Variants in SLC24A2 observed in about 807,000 individuals in gnomAD.
SLC24A2 encodes sodium/potassium/calcium exchanger 2.
Under a neutral mutation model 62.0 loss-of-function variants are expected in SLC24A2, and 36 were observed. The ratio of observed to expected loss-of-function variants is 0.58; its 90% CI spans 0.44 to 0.77. The LOEUF (loss-of-function observed/expected upper bound fraction) is 0.77. SLC24A2 is among the 30% of genes least tolerant of loss of function. The pLI is 0.00. For synonymous variants in SLC24A2, 358 were observed against 294.0 expected (o/e 1.22, Z -2.23); for missense variants, 846 against 817.9 (o/e 1.03, Z -0.42).
the SLC24A2 span, among the ~76,000 whole-genome samples, chr9:20,218,791 C>T: frequency 8.5e-5 from 13 of 152,130 alleles, no homozygotes; most frequent in Non-Finnish European, 2.9e-5. Context: ...ACATGTATTT[C>T]TTATCTCAGT....
At chr9:19,982,712 G>A in the SLC24A2 span, among the ~76,000 whole-genome samples, 1 of 152,088 alleles carries the variant, frequency 6.6e-6, no homozygotes, top group Admixed American at 6.6e-5. Flanking sequence ...AATACCAAAA[G>A]CCAGACAAAG....
chr9:20,072,682 A>G, the SLC24A2 span, among the ~76,000 whole-genome samples: 1 of 152,058 alleles, frequency 6.6e-6, no homozygotes, highest in African/African-American at 2.4e-5. Context: ...AGAGAGATGC[A>G]GGAGGAGTCA....
At chr9:19,564,257 A>G (rs1328400652) in intron 7 of SLC24A2, among the ~76,000 whole-genome samples, 1 of 152,140 alleles carries the variant, frequency 6.6e-6, no homozygotes, top group Non-Finnish European at 1.5e-5. Context: ...AAAAAACCAC[A>G]CTCACTTCCA....
chr9:19,724,395 G>A (rs531452502), intron 2 of SLC24A2, among the ~76,000 whole-genome samples: 15 of 152,282 alleles, frequency 9.9e-5, no homozygotes, highest in Non-Finnish European at 7.3e-5. Context: ...TTTGAGAAAG[G>A]TGATGCCTTC....
chr9:19,838,288 T>C, the SLC24A2 span, among the ~76,000 whole-genome samples: 366 of 152,230 alleles, frequency 2.4e-3, no homozygotes, highest in Non-Finnish European at 3.6e-3. Context: ...ATCTGATCTT[T>C]GACAAACCTG....
the SLC24A2 span, among the ~76,000 whole-genome samples, chr9:20,216,970 C>G: frequency 2.9e-3 from 437 of 152,184 alleles, 3 homozygotes; most frequent in African/African-American, 0.01. Flanking sequence ...TCCCAAAAGA[C>G]TCTTAAAAGC....
the SLC24A2 span, among the ~76,000 whole-genome samples, chr9:19,977,113 T>TTGTGTGTGTGTGTGTGTGTG: frequency 2.1e-5 from 3 of 145,332 alleles, 1 homozygote; most frequent in African/African-American, 7.6e-5. Context: ...ATTTCTATAT[T>TTGTGTGTGTGTGTGTGTGTG]TGTGTGTGTG....
chr9:20,102,034 C>G, the SLC24A2 span, among the ~76,000 whole-genome samples: 1 of 152,204 alleles, frequency 6.6e-6, no homozygotes, highest in Non-Finnish European at 1.5e-5. Flanking sequence ...TGTGCAAGCT[C>G]TTGTGTTTAC....
chr9:19,778,177 C>G (rs961587044), intron 2 of SLC24A2, among the ~76,000 whole-genome samples: 1 of 152,106 alleles, frequency 6.6e-6, no homozygotes, highest in African/African-American at 2.4e-5. Context: ...ATATATTACT[C>G]CCTAAAATGT....
At chr9:19,714,941 T>C (rs1345341626) in intron 2 of SLC24A2, among the ~76,000 whole-genome samples, 2 of 151,966 alleles carry the variant, frequency 1.3e-5, no homozygotes, top group African/African-American at 4.8e-5. Flanking sequence ...AGGAAGCAAA[T>C]GGAGAGATGT....
At chr9:20,228,865 C>T in the SLC24A2 span, among the ~76,000 whole-genome samples, 1 of 152,084 alleles carries the variant, frequency 6.6e-6, no homozygotes, top group Admixed American at 6.6e-5. Flanking sequence ...AGAAGGGGCA[C>T]AGACACTGGT....
the SLC24A2 span, among the ~76,000 whole-genome samples, chr9:19,838,432 A>T: frequency 1.3e-5 from 2 of 150,588 alleles, no homozygotes; most frequent in South Asian, 4.2e-4. Flanking sequence ...GATGGATTAA[A>T]GACTTAAATG....
the SLC24A2 span, among the ~76,000 whole-genome samples, chr9:20,107,864 G>C: frequency 1.3e-5 from 2 of 152,120 alleles, no homozygotes; most frequent in Non-Finnish European, 2.9e-5. Context: ...TTAACCTAAA[G>C]AGCTTCAGCA....
chr9:19,563,343 TATTTTTA>T (rs1229967293), intron 7 of SLC24A2, among the ~76,000 whole-genome samples: 1 of 152,140 alleles, frequency 6.6e-6, no homozygotes. Flanking sequence ...CTTGCCTATT[TATTTTTA>T]AAGTTTGAAA....
At chr9:20,057,869 T>C in the SLC24A2 span, among the ~76,000 whole-genome samples, 1 of 152,190 alleles carries the variant, frequency 6.6e-6, no homozygotes, top group African/African-American at 2.4e-5. Flanking sequence ...CAAGGTCAAG[T>C]TGTAAGTATC....
At position 19,787,937 on chromosome 9, in the gene SLC24A2, CAG is replaced by C. The variant is rs1823223544; in HGVS notation, c.-153-920_-153-919del. 2.0e-5 allele frequency among the ~76,000 whole-genome samples: 3 copies of C among 152,186 alleles called. No homozygotes were observed. In the South Asian group the frequency reaches 6.2e-4, roughly 32 times the overall value. ...ACTTTAATAGGTTAGATATCCAAAG[CAG>C]AGTTTTCTTTCTCTATCCCACGGAG... On this transcript the variant is annotated intron_variant, in intron 1 of 10. Transcript: ENST00000341998.
the SLC24A2 span, among the ~76,000 whole-genome samples, chr9:20,072,130 C>A: frequency 6.6e-6 from 1 of 152,020 alleles, no homozygotes; most frequent in African/African-American, 2.4e-5. Context: ...GTCCTTTAAG[C>A]CTTTCATGGA....
At chr9:19,760,515 C>T (rs1252664091) in intron 2 of SLC24A2, among the ~76,000 whole-genome samples, 2 of 151,956 alleles carry the variant, frequency 1.3e-5, no homozygotes, top group African/African-American at 4.8e-5. Flanking sequence ...TATCCCTCCC[C>T]TTGTCCCTGA....
intron 2 of SLC24A2, among the ~76,000 whole-genome samples, chr9:19,669,087 G>A (rs760495053): frequency 6.6e-6 from 1 of 152,094 alleles, no homozygotes; most frequent in African/African-American, 2.4e-5. Flanking sequence ...TATCTTATAC[G>A]GTATAGTTAT....
Sources: gnomAD v4.1 joint callset for allele counts (sites outside exome capture counted in the v4.1 genomes callset) on GRCh38, gnomAD v4.1.1 for gene constraint, MANE v1.5 for transcripts, NCBI Gene and HGNC (gene_info 2026-07-23, HGNC 2026-07-21) for gene names.